The following RANBP10 variants were observed in gnomAD, a reference collection of about 807,000 sequenced individuals.
The protein encoded by RANBP10 is ran-binding protein 10.
Under a neutral mutation model 72.8 loss-of-function variants are expected in RANBP10, and 24 were observed. That is an observed-to-expected ratio of 0.33 (90% CI 0.24 to 0.46). The LOEUF (loss-of-function observed/expected upper bound fraction) is 0.46. Ranked by LOEUF, RANBP10 falls within the 20% of genes least tolerant of loss-of-function variation. The probability of loss-of-function intolerance (pLI) is 1.00; values close to 1 mark genes in which losing one functional copy is unlikely to be tolerated. For missense variants in RANBP10, 679 were observed against 817.5 expected (o/e 0.83, Z 2.07); for synonymous variants, 310 against 322.3 (o/e 0.96, Z 0.41).
chr16:67,786,017 T>TAAAA lies in RANBP10; in HGVS notation c.348-13935_348-13932dup, dbSNP rs111426578. Among the ~76,000 whole-genome samples the TAAAA allele has an allele frequency of 7.4e-5, 10 of 135,832 alleles. No homozygotes were observed. In the East Asian group the frequency reaches 2.1e-3, roughly 28 times the overall value. 89.1% of individuals were successfully genotyped at this position (135,832 alleles called of 152,430 possible). ...CCATCTCAAAAAAAATAATAATAAT[T>TAAAA]AAAAAAAAAAAAAGACATCATCAAG... On this transcript the variant is annotated intron_variant, in intron 2 of 13. Transcript: ENST00000317506.
Position 67,729,551 on chromosome 16 carries a change from C to T in RANBP10, c.1148-67G>A. 1 of 1,566,220 alleles carries T rather than the reference C, an allele frequency of 6.4e-7. No homozygotes were observed. The highest frequency in any genetic ancestry group is 1.2e-5 in the South Asian group (1 of 84,142). The stretch of plus-strand genomic sequence containing the variant: ...CCATGAAATGAAGCCCCAAGAACAA[C>T]CACAGTGGTCCCATTTCCCTTCTCC... On this transcript the variant is annotated intron_variant, in intron 9 of 13. Transcript: ENST00000317506. The surrounding 1 kb of genome is among the most constrained non-coding windows in gnomAD (Gnocchi z 7.1).
At chr16:67,799,191 C>A (rs1177717956) in intron 2 of RANBP10, among the ~76,000 whole-genome samples, 1 of 151,984 alleles carries the variant, frequency 6.6e-6, no homozygotes, top group Non-Finnish European at 1.5e-5. Context: ...CCGCCTCAGT[C>A]TCCTAAAGTA....
intron 3 of RANBP10, among the ~76,000 whole-genome samples, chr16:67,744,827 TTTTG>T (rs781704490): frequency 5.9e-5 from 9 of 152,166 alleles, no homozygotes; most frequent in East Asian, 1.9e-4. Flanking sequence ...AAAATGTTTT[TTTTG>T]TTTGTTTGTT....
intron 3 of RANBP10, among the ~76,000 whole-genome samples, chr16:67,756,931 G>A (rs1319601534): frequency 6.6e-6 from 1 of 152,124 alleles, no homozygotes. Context: ...TGTGCCAGGC[G>A]CAGTGGCTCA....
At chr16:67,762,603 A>T (rs965516553) in intron 3 of RANBP10, 2 of 152,230 alleles carry the variant, frequency 1.3e-5, no homozygotes, top group African/African-American at 4.8e-5. Flanking sequence ...CAGAAAAGGG[A>T]GCAGTCACTA....
chr16:67,726,178 G>A lies in RANBP10; in HGVS notation c.*250C>T, dbSNP rs2053593885. On this transcript the variant is annotated 3_prime_UTR_variant, in exon 14 of 14. Transcript: ENST00000317506. ...AAACCCCCCTTTCAAAATAGAAGGC[G>A]CTACATGAGAGTAACCAGCCAATAC... is the stretch of plus-strand genomic sequence containing the variant. The A allele has an allele frequency of 6.7e-6, 3 of 446,624 alleles. No homozygotes were observed. Among genetic ancestry groups the A allele is most frequent in the South Asian group, 2.2e-5 (1 of 44,654 alleles). The allele number at this position is 446,624 out of a possible 1,614,324, so 27.7% of individuals were successfully genotyped here.
chr16:67,785,105 G>A (rs1190372966), intron 2 of RANBP10, among the ~76,000 whole-genome samples: 7 of 151,762 alleles, frequency 4.6e-5, no homozygotes, highest in South Asian at 2.1e-4. Flanking sequence ...CTAGCTACTC[G>A]GGAGGCTGAG....
intron 3 of RANBP10, among the ~76,000 whole-genome samples, chr16:67,754,541 C>T (rs894492300): frequency 6.6e-6 from 1 of 152,220 alleles, no homozygotes; most frequent in African/African-American, 2.4e-5. Flanking sequence ...TGTGAACCTG[C>T]TCCCCAGGCC....
At chr16:67,728,014 T>C (rs112526325) in intron 11 of RANBP10, 118 bp from the exon 12 acceptor site, 53,192 of 1,142,516 alleles carry the variant, frequency 0.047, 1,738 homozygotes, top group African/African-American at 0.14. Flanking sequence ...CAGGCAGGGC[T>C]GGGAGGAACA....
Position 67,729,961 on chromosome 16 carries a change from G to A in RANBP10, c.975C>T (p.Asn325=). Residue 325 remains asparagine (N), a synonymous_variant, in exon 8 of 14, where the codon AAC becomes AAT. Coordinates refer to ENST00000317506, the MANE Select transcript of RANBP10 (RefSeq NM_020850.3). The surrounding 1 kb of genome is among the most constrained non-coding windows in gnomAD (Gnocchi z 7.1). ...ACTTGAGCATGAAGAGGAGGTTGGG[G>A]TTGTGCTCCAGCAGCCCTGGGTAGA... is the stretch of plus-strand genomic sequence containing the variant. The part of the protein sequence containing the change: ...QRFYPGLLEH[N]PNLLFMLKCR... 7 of 1,613,814 alleles carry A rather than the reference G, an allele frequency of 4.3e-6. No individual in the cohort carries two copies. Among genetic ancestry groups the A allele is most frequent in the Non-Finnish European group, 5.9e-6 (7 of 1,180,028 alleles).
chr16:67,800,302 G>A (rs1249844090), intron 2 of RANBP10, among the ~76,000 whole-genome samples: 2 of 152,204 alleles, frequency 1.3e-5, no homozygotes, highest in South Asian at 2.1e-4. Context: ...TGGCTACAGA[G>A]GAAAATGCCC....
chr16:67,799,380 C>T (rs956788412), intron 2 of RANBP10, among the ~76,000 whole-genome samples: 9 of 151,428 alleles, frequency 5.9e-5, no homozygotes, highest in Admixed American at 2.0e-4. Flanking sequence ...CTCGGCCTCC[C>T]GGGTTCACGC....
At chr16:67,761,801 C>T (rs1014311793) in intron 3 of RANBP10, among the ~76,000 whole-genome samples, 1 of 152,164 alleles carries the variant, frequency 6.6e-6, no homozygotes, top group Non-Finnish European at 1.5e-5. Context: ...GAACTCCTGA[C>T]CTCAAGTGAT....
chr16:67,771,821 A>G (rs139292043), intron 3 of RANBP10, among the ~76,000 whole-genome samples: 2 of 152,348 alleles, frequency 1.3e-5, no homozygotes, highest in Non-Finnish European at 2.9e-5. Flanking sequence ...TTCAAATTCC[A>G]TTAATGACAA....
chr16:67,734,490 C>T (rs2053799596), intron 6 of RANBP10, among the ~76,000 whole-genome samples: 1 of 152,218 alleles, frequency 6.6e-6, no homozygotes, highest in African/African-American at 2.4e-5. Flanking sequence ...AGAGTCACAG[C>T]ACCATGGATA....
chr16:67,775,328 A>C (rs1472245753), intron 2 of RANBP10, among the ~76,000 whole-genome samples: 1 of 152,144 alleles, frequency 6.6e-6, no homozygotes, highest in Admixed American at 6.6e-5. Context: ...AAATTTAAAA[A>C]AACCCCACAG....
At chr16:67,727,938 A>G in intron 11 of RANBP10, 42 bp from the exon 12 acceptor site, 1 of 1,607,872 alleles carries the variant, frequency 6.2e-7, no homozygotes, top group Non-Finnish European at 8.5e-7. Flanking sequence ...GGAGGGGTGA[A>G]GAGGGAAGGG....
At chr16:67,782,506 C>T (rs1354520708) in intron 2 of RANBP10, among the ~76,000 whole-genome samples, 1 of 150,602 alleles carries the variant, frequency 6.6e-6, no homozygotes, top group Non-Finnish European at 1.5e-5. Flanking sequence ...GGCTGGAGTG[C>T]AGTGCCGCGA....
At chr16:67,776,616 T>C (rs940350200) in intron 2 of RANBP10, among the ~76,000 whole-genome samples, 6 of 141,314 alleles carry the variant, frequency 4.2e-5, no homozygotes, top group African/African-American at 1.6e-4. Context: ...CTGTTAAAAA[T>C]ACAAAAATTA....
Sources: gnomAD v4.1 joint callset for allele counts (sites outside exome capture counted in the v4.1 genomes callset) on GRCh38, gnomAD v4.1.1 for gene constraint, Gnocchi (gnomAD v3.1) non-coding constraint, MANE v1.5 for transcripts, NCBI Gene and HGNC (gene_info 2026-07-23, HGNC 2026-07-21) for gene names.